The following TRPM7 variants were observed in gnomAD, a reference collection of about 807,000 sequenced individuals.
TRPM7 encodes the protein LTRPC ion channel family member 7.
TRPM7 carries 134 observed loss-of-function variants against 229.7 expected under a neutral mutation model. That is an observed-to-expected ratio of 0.58 (90% CI 0.51 to 0.67). TRPM7 has a LOEUF of 0.67. Ranked by LOEUF, TRPM7 falls within the 30% of genes least tolerant of loss-of-function variation. The pLI is 0.00. For synonymous variants in TRPM7, 699 were observed against 715.2 expected (o/e 0.98, Z 0.36); for missense variants, 1,901 against 2,210.0 (o/e 0.86, Z 2.80).
At chr15:50,587,436 T>C (rs1265613995) in intron 27 of TRPM7, among the ~76,000 whole-genome samples, 1 of 140,424 alleles carries the variant, frequency 7.1e-6, no homozygotes, top group Non-Finnish European at 1.5e-5. Flanking sequence ...AGATGGAGTC[T>C]TGCTCCATCT....
At chr15:50,562,119 C>T (rs890782862) in intron 38 of TRPM7, among the ~76,000 whole-genome samples, 9 of 152,080 alleles carry the variant, frequency 5.9e-5, no homozygotes, top group African/African-American at 1.7e-4. Context: ...TGGTCTTGAA[C>T]TCCCGTCCTC....
chr15:50,619,279 G>A (rs1172696492), intron 13 of TRPM7, among the ~76,000 whole-genome samples: 2 of 149,240 alleles, frequency 1.3e-5, no homozygotes, highest in African/African-American at 5.0e-5. Flanking sequence ...GGAATGCAGT[G>A]GCAAGATCAT....
At chr15:50,600,399 T>C (rs2059746753) in intron 21 of TRPM7, among the ~76,000 whole-genome samples, 1 of 148,244 alleles carries the variant, frequency 6.7e-6, no homozygotes. Context: ...ATCACGCCAC[T>C]GCACTCCAGT....
At chr15:50,585,729 T>C (rs560333566) in intron 28 of TRPM7, among the ~76,000 whole-genome samples, 2 of 152,314 alleles carry the variant, frequency 1.3e-5, no homozygotes, top group South Asian at 2.1e-4. Context: ...AGATGGACAA[T>C]GTAGTACTAT....
chr15:50,652,679 T>C (rs2061456256), intron 3 of TRPM7, among the ~76,000 whole-genome samples: 1 of 152,060 alleles, frequency 6.6e-6, no homozygotes, highest in South Asian at 2.1e-4. Context: ...CATTTCCCAA[T>C]TCATTTCATG....
At chr15:50,566,814 A>T (rs991639891) in intron 38 of TRPM7, among the ~76,000 whole-genome samples, 9 of 152,192 alleles carry the variant, frequency 5.9e-5, no homozygotes, top group Admixed American at 3.9e-4. Flanking sequence ...AAAAAGAATA[A>T]ATCAAATAAA....
chr15:50,582,598 C>G (rs958405887), intron 29 of TRPM7: 1 of 152,338 alleles, frequency 6.6e-6, no homozygotes, highest in Non-Finnish European at 1.5e-5. Flanking sequence ...CCTCTTTCCC[C>G]ACTGAAATAA....
chr15:50,650,192 C>CAAAAAAAA (rs59579538), intron 3 of TRPM7, among the ~76,000 whole-genome samples: 18 of 62,292 alleles, frequency 2.9e-4, no homozygotes, highest in African/African-American at 7.2e-4. Context: ...GACTTTGTCT[C>CAAAAAAAA]AAAAAAAAAA....
intron 21 of TRPM7, among the ~76,000 whole-genome samples, chr15:50,603,674 G>A (rs2059841528): frequency 6.6e-6 from 1 of 152,074 alleles, no homozygotes; most frequent in Non-Finnish European, 1.5e-5. Flanking sequence ...AGTATTCCAT[G>A]GTGTATACGT....
Position 50,643,450 on chromosome 15 carries a change from C to A in TRPM7, c.425G>T (p.Gly142Val). The change falls in exon 5 of 39, where the codon GGC becomes GTC. Residue 142 changes from glycine (G) to valine (V), a missense_variant. Transcript: ENST00000646667. Reference sequence around the variant, plus strand: ...TGGGTGAAGCTCAAATTTCTGCATGCCCCCATGTACAGAGATAACAAGTTT... The same window carrying A: ...TGGGTGAAGCTCAAATTTCTGCATGACCCCATGTACAGAGATAACAAGTTT... Reference protein sequence around the residue: ...LPKLVISVHGGMQKFELHPRI... With the variant: ...LPKLVISVHGVMQKFELHPRI... 2 of 1,614,138 alleles carry A rather than the reference C, an allele frequency of 1.2e-6. No homozygotes were observed. The highest frequency in any genetic ancestry group is 1.7e-6 in the Non-Finnish European group (2 of 1,180,008).
intron 4 of TRPM7, among the ~76,000 whole-genome samples, chr15:50,644,054 G>A (rs938106335): frequency 6.6e-6 from 1 of 152,150 alleles, no homozygotes; most frequent in East Asian, 1.9e-4. Flanking sequence ...AATGAATTGT[G>A]ACTATGGAGT....
Position 50,560,974 on chromosome 15 carries a change from G to A in TRPM7, c.*704C>T, listed in dbSNP as rs1258314218. 2 of 152,318 alleles carry A rather than the reference G, an allele frequency of 1.3e-5. No homozygotes were observed. The highest frequency in any genetic ancestry group is 2.9e-5 in the Non-Finnish European group (2 of 68,002). 9.4% of individuals were successfully genotyped at this position (152,318 alleles called of 1,614,324 possible). The stretch of plus-strand genomic sequence containing the variant: ...CCATGGCTTTCTTCTACTTAACAGT[G>A]ACTTGATAAAACAATGTTTAAAAAA... On this transcript the variant is annotated 3_prime_UTR_variant, in exon 39 of 39. Coordinates refer to ENST00000646667, the MANE Select transcript of TRPM7 (RefSeq NM_017672.6).
chr15:50,658,511 A>C (rs1450178570), intron 2 of TRPM7, among the ~76,000 whole-genome samples: 1 of 151,426 alleles, frequency 6.6e-6, no homozygotes, highest in Non-Finnish European at 1.5e-5. Context: ...TCGAGGCTAA[A>C]GTGAGCCATG....
intron 4 of TRPM7, among the ~76,000 whole-genome samples, chr15:50,646,901 A>G (rs1218951266): frequency 1.3e-5 from 2 of 152,166 alleles, no homozygotes; most frequent in African/African-American, 4.8e-5. Context: ...CCTGCCTACC[A>G]TATTTAGTAC....
At chr15:50,621,155 C>CT (rs1469965889) in intron 12 of TRPM7, among the ~76,000 whole-genome samples, 3 of 62,864 alleles carry the variant, frequency 4.8e-5, no homozygotes, top group Non-Finnish European at 8.5e-5. Context: ...GAGACTCCGT[C>CT]TCAAAAAAAA....
At position 50,639,534 on chromosome 15, in the gene TRPM7, CAT is replaced by C; in HGVS notation, c.548_549del (p.His183ArgfsTer28). ...TGGVNTGVAK[H>X]VGDALKEHAS... ...GCATGTTCTTTGAGGGCATCTCCAA[CAT>C]GTTTTGCCACACCTGTTCATAAAAA... On this transcript the variant is annotated frameshift_variant, in exon 6 of 39. Coordinates refer to ENST00000646667, the MANE Select transcript of TRPM7 (RefSeq NM_017672.6). LOFTEE classifies it high-confidence loss of function. 6.2e-7 allele frequency: 1 copy of C among 1,608,512 alleles called. No individual in the cohort carries two copies. Among genetic ancestry groups the C allele is most frequent in the Non-Finnish European group, 8.5e-7 (1 of 1,177,150 alleles).
Position 50,559,372 on chromosome 15 carries a change from T to G in TRPM7, c.*2306A>C, listed in dbSNP as rs2053228873. On this transcript the variant is annotated 3_prime_UTR_variant, in exon 39 of 39. Coordinates refer to ENST00000646667, the MANE Select transcript of TRPM7 (RefSeq NM_017672.6). Reference sequence around the variant, plus strand: ...GGCCTAATTTTTGTATTTTTTTTTTTAGCAGAGATAGGATTTTGCCATGTT... The same window carrying G: ...GGCCTAATTTTTGTATTTTTTTTTTGAGCAGAGATAGGATTTTGCCATGTT... The G allele has an allele frequency of 6.6e-6, 1 of 150,990 alleles. No homozygotes were observed. The highest frequency in any genetic ancestry group is 1.5e-5 in the Non-Finnish European group (1 of 67,784). The allele number at this position is 150,990 out of a possible 1,614,324, so 9.4% of individuals were successfully genotyped here.
intron 20 of TRPM7, 76 bp downstream of exon 20, chr15:50,607,124 A>T: frequency 5.8e-6 from 8 of 1,380,306 alleles, no homozygotes; most frequent in Non-Finnish European, 8.0e-6. Context: ...CCCTACGTAT[A>T]CACCCAAAAC....
At chr15:50,683,961 C>G (rs962217122) in intron 1 of TRPM7, among the ~76,000 whole-genome samples, 6 of 151,268 alleles carry the variant, frequency 4.0e-5, no homozygotes, top group African/African-American at 1.5e-4. Flanking sequence ...CCAAGTTCAA[C>G]GGAGTCTCCT....
Sources: allele counts gnomAD v4.1 joint callset (sites outside exome capture counted in the v4.1 genomes callset), GRCh38; gene constraint gnomAD v4.1.1; transcripts MANE v1.5; gene names NCBI Gene and HGNC (gene_info 2026-07-23, HGNC 2026-07-21).